TMPRSS7: variants seen among roughly 807,000 people sequenced by gnomAD.
The protein encoded by TMPRSS7 is transmembrane serine protease 7.
In TMPRSS7, 81 loss-of-function variants were observed where a neutral mutation model predicts 95.6. The ratio of observed to expected loss-of-function variants is 0.85; its 90% CI spans 0.71 to 1.02. The LOEUF is 1.02. Ranked by LOEUF, TMPRSS7 falls within the 50% of genes least tolerant of loss-of-function variation. The pLI is 0.00. For missense variants in TMPRSS7, 945 were observed against 955.2 expected, an observed-to-expected ratio of 0.99 and a Z score of 0.14; for synonymous variants, 364 against 337.8, an observed-to-expected ratio of 1.08 and a Z score of -0.85.
chr3:112,048,211 A>T (rs1272516280), intron 7 of TMPRSS7, among the ~76,000 whole-genome samples: 1 of 152,214 alleles, frequency 6.6e-6, no homozygotes, highest in Non-Finnish European at 1.5e-5. Flanking sequence ...CAAGAACGTC[A>T]GCCAATATAC....
At chr3:112,074,436 G>A (rs774675425) in intron 14 of TMPRSS7, 24 bp downstream of exon 14, 2 of 1,535,370 alleles carry the variant, frequency 1.3e-6, no homozygotes, top group Non-Finnish European at 1.8e-6. Flanking sequence ...CATTCCTTTG[G>A]GTTCCTGTAT....
intron 13 of TMPRSS7, among the ~76,000 whole-genome samples, chr3:112,068,428 T>A (rs1196483043): frequency 6.6e-6 from 1 of 152,278 alleles, no homozygotes; most frequent in African/African-American, 2.4e-5. Context: ...ATGGCCATTT[T>A]CATGATATGG....
In TMPRSS7 at chr3:112,073,914, G is replaced by A. The variant is rs2073682012; in HGVS notation, c.1667-382G>A. Among the ~76,000 whole-genome samples, 3 of 152,194 alleles carry A rather than the reference G, an allele frequency of 2.0e-5. No individual in the cohort carries two copies. In the East Asian group the frequency reaches 5.8e-4, roughly 29 times the overall value. On this transcript the variant is annotated intron_variant, in intron 13 of 17. Coordinates refer to ENST00000452346, the Ensembl canonical transcript of TMPRSS7. Reference sequence around the variant, plus strand: ...AAGTCTGTCCATTTTGCCTCCTACTGATATAAAATAACTGAGCATGGCTGT... The same window carrying A: ...AAGTCTGTCCATTTTGCCTCCTACTAATATAAAATAACTGAGCATGGCTGT...
At chr3:112,067,237 C>T (rs1015422772) in intron 13 of TMPRSS7, among the ~76,000 whole-genome samples, 6 of 152,128 alleles carry the variant, frequency 3.9e-5, no homozygotes, top group South Asian at 2.1e-4. Context: ...CATTGATGGA[C>T]GTTTGGGTTG....
chr3:112,055,722 C>T (rs191759527), intron 9 of TMPRSS7, among the ~76,000 whole-genome samples: 1 of 151,818 alleles, frequency 6.6e-6, no homozygotes, highest in African/African-American at 2.4e-5. Flanking sequence ...ACAATCAGTA[C>T]CAGGCAACAC....
chr3:112,080,940 T>C (rs1484905233), exon 18 of TMPRSS7: 1 of 1,613,798 alleles, frequency 6.2e-7, no homozygotes, highest in East Asian at 2.2e-5. Flanking sequence ...CTTTATCTTG[T>C]CGAAGAAAAA....
At chr3:112,061,436 C>T (rs16859129) in intron 10 of TMPRSS7, among the ~76,000 whole-genome samples, 6,504 of 152,246 alleles carry the variant, frequency 0.043, 424 homozygotes, top group African/African-American at 0.14. Context: ...CTTGGCAGAG[C>T]GGCTTGTTGA....
At chr3:112,063,287 C>T (rs928140830) in intron 11 of TMPRSS7, among the ~76,000 whole-genome samples, 9 of 152,180 alleles carry the variant, frequency 5.9e-5, no homozygotes, top group African/African-American at 2.2e-4. Flanking sequence ...TGCATATGAC[C>T]TGAATGCAGT....
chr3:112,050,527 A>AAAAAAAAAAAAAAAAAAAAAAAAAAAAAC, intron 8 of TMPRSS7, 144 bp from the exon 9 acceptor site: 1 of 351,662 alleles, frequency 2.8e-6, no homozygotes, highest in African/African-American at 2.1e-5. Context: ...CTTCTGAAAA[A>AAAAAAAAAAAAAAAAAAAAAAAAAAAAAC]AAAAAAAAAA....
At chr3:112,041,894 G>A (rs999805962) in intron 2 of TMPRSS7, 26 bp from the exon 3 acceptor site, 20 of 1,461,490 alleles carry the variant, frequency 1.4e-5, no homozygotes, top group Admixed American at 3.9e-5. Flanking sequence ...GAAAGCCTCC[G>A]AATCTTGTTC....
intron 16 of TMPRSS7, 48 bp from the exon 17 acceptor site, chr3:112,078,694 T>C: frequency 1.2e-6 from 2 of 1,610,684 alleles, no homozygotes; most frequent in South Asian, 2.2e-5. Context: ...CCTGAATACA[T>C]GCGGCCATTA....
rs183473278 is a variant in TMPRSS7 at position 112,074,280 on chromosome 3, T to C, written c.1667-16T>C. 1 of 1,575,492 alleles carries C rather than the reference T, an allele frequency of 6.3e-7. No individual in the cohort carries two copies. Among genetic ancestry groups the C allele is most frequent in the East Asian group, 2.2e-5 (1 of 44,634 alleles). On this transcript the variant is annotated splice_polypyrimidine_tract_variant and intron_variant, in intron 13 of 17. Transcript: ENST00000452346. ...TCTGGCTAAGGAAAGCTGTTTCTTC[T>C]TTTGTCCATTGTTAGGTATTCCATG...
At chr3:112,037,181 G>A (rs2073155870) in intron 1 of TMPRSS7, among the ~76,000 whole-genome samples, 1 of 152,178 alleles carries the variant, frequency 6.6e-6, no homozygotes, top group Non-Finnish European at 1.5e-5. Flanking sequence ...GCAGGACAGA[G>A]CCATATTTCT....
chr3:112,076,772 G>A lies in TMPRSS7; in HGVS notation c.1956-104G>A, dbSNP rs113846273. 942 of 1,363,870 alleles carry A rather than the reference G, an allele frequency of 6.9e-4. 6 individuals carry two copies. The African/African-American group carries it at 0.012, about 17-fold the overall frequency. 84.5% of individuals were successfully genotyped at this position (1,363,870 alleles called of 1,614,324 possible). On this transcript the variant is annotated intron_variant, in intron 15 of 17. Transcript: ENST00000452346. ...CAGTGACTATAATAACACCCTGGAA[G>A]TCAGGCCCTTCTTTTTCAGCCCTCA...
At chr3:112,049,703 A>C in intron 7 of TMPRSS7, 141 bp from the exon 8 acceptor site, 1 of 605,858 alleles carries the variant, frequency 1.7e-6, no homozygotes, top group Non-Finnish European at 2.6e-6. Flanking sequence ...ATGGATGAGG[A>C]TCTGGCTGGG....
chr3:112,054,404 A>G (rs563835453), intron 9 of TMPRSS7, among the ~76,000 whole-genome samples: 1 of 152,350 alleles, frequency 6.6e-6, no homozygotes, highest in South Asian at 2.1e-4. Context: ...ATAGCTTGCA[A>G]TGCATTGTGA....
At chr3:112,051,631 T>C in intron 9 of TMPRSS7, among the ~76,000 whole-genome samples, 1 of 116,192 alleles carries the variant, frequency 8.6e-6, no homozygotes, top group South Asian at 3.0e-4. Flanking sequence ...CTATCATCTA[T>C]CTATCTATCT....
intron 11 of TMPRSS7, among the ~76,000 whole-genome samples, chr3:112,062,370 G>T (rs1261260119): frequency 1.3e-5 from 2 of 152,128 alleles, no homozygotes; most frequent in East Asian, 1.9e-4. Context: ...TCAAATATCA[G>T]CCCTCAGAAT....
intron 7 of TMPRSS7, among the ~76,000 whole-genome samples, chr3:112,049,406 C>T (rs2073317782): frequency 6.6e-6 from 1 of 152,202 alleles, no homozygotes. Context: ...CTGGACAACA[C>T]ACATGGCCTT....
Sources: allele counts gnomAD v4.1 joint callset (sites outside exome capture counted in the v4.1 genomes callset), GRCh38; gene constraint gnomAD v4.1.1; transcripts MANE v1.5; gene names NCBI Gene and HGNC (gene_info 2026-07-23, HGNC 2026-07-21).